The following ATP8A2 variants were observed in gnomAD, a reference collection of about 807,000 sequenced individuals.
ATP8A2 encodes the protein phospholipid-transporting ATPase IB.
A neutral mutation model predicts 165.6 loss-of-function variants in ATP8A2; 100 were observed. That is an observed-to-expected ratio of 0.60 (90% CI 0.51 to 0.71). The LOEUF is 0.71. ATP8A2 is among the 30% of genes least tolerant of loss of function. The pLI, the probability that ATP8A2 is intolerant of heterozygous loss-of-function variation, is 0.00. For synonymous variants in ATP8A2, 543 were observed against 548.8 expected, an observed-to-expected ratio of 0.99 and a Z score of 0.15; for missense variants, 1,227 against 1,479.5, an observed-to-expected ratio of 0.83 and a Z score of 2.80.
intron 2 of ATP8A2, among the ~76,000 whole-genome samples, chr13:25,517,520 A>G (rs1054411488): frequency 2.6e-5 from 4 of 152,238 alleles, no homozygotes; most frequent in Non-Finnish European, 5.9e-5. Flanking sequence ...GGAGCAGGAC[A>G]GTCACACTAT....
intron 1 of ATP8A2, among the ~76,000 whole-genome samples, chr13:25,467,194 A>G (rs929980527): frequency 3.3e-5 from 5 of 152,176 alleles, no homozygotes; most frequent in African/African-American, 1.2e-4. Context: ...TGAGTGAGGA[A>G]TAGCCAGGGT....
chr13:25,378,569 T>A (rs1487772107), intron 1 of ATP8A2, among the ~76,000 whole-genome samples: 1 of 152,218 alleles, frequency 6.6e-6, no homozygotes, highest in African/African-American at 2.4e-5. Flanking sequence ...TGGCTTTCAC[T>A]GGAGTTCTCA....
At chr13:25,648,364 C>A (rs2041729066) in intron 24 of ATP8A2, among the ~76,000 whole-genome samples, 1 of 152,122 alleles carries the variant, frequency 6.6e-6, no homozygotes, top group South Asian at 2.1e-4. Flanking sequence ...GCTTAAGTCT[C>A]TTCTATAAAA....
chr13:26,012,012 G>C (rs1384383801), intron 35 of ATP8A2, among the ~76,000 whole-genome samples: 2 of 152,204 alleles, frequency 1.3e-5, no homozygotes, highest in Middle Eastern at 3.2e-3. Context: ...CAACCTTGAA[G>C]GGAATAGGTT....
chr13:25,532,973 T>A (rs1188614359), intron 5 of ATP8A2, among the ~76,000 whole-genome samples: 2 of 152,196 alleles, frequency 1.3e-5, no homozygotes, highest in Non-Finnish European at 2.9e-5. Flanking sequence ...GCTGTTCAGT[T>A]TTTTTTAAAT....
At chr13:25,980,484 A>G (rs150396016) in intron 35 of ATP8A2, among the ~76,000 whole-genome samples, 20 of 152,312 alleles carry the variant, frequency 1.3e-4, no homozygotes, top group Non-Finnish European at 2.2e-4. Flanking sequence ...CGGTGTGACC[A>G]GTGCCTGGGA....
At chr13:25,834,671 T>C (rs1412711735) in intron 28 of ATP8A2, among the ~76,000 whole-genome samples, 1 of 152,220 alleles carries the variant, frequency 6.6e-6, no homozygotes, top group Non-Finnish European at 1.5e-5. Context: ...TAAAGTATAA[T>C]GTCTACCTTT....
Position 25,839,608 on chromosome 13 carries a change from GA to G in ATP8A2, c.2943del (p.Ala982LeufsTer8), listed in dbSNP as rs757394932. 7 of 1,613,814 alleles carry G rather than the reference GA, an allele frequency of 4.3e-6. No homozygotes were observed. Among genetic ancestry groups the G allele is most frequent in the Non-Finnish European group, 5.1e-6 (6 of 1,179,860 alleles). ...CCCTCATCCTCTTCTGGTTTCCCAT[GA>G]AAGCTCTGGAGCATGGTAAGGGCTG... ...HSLILFWFPM[K>X]ALEHDTVLTS... is the part of the protein sequence containing the mutation. On this transcript the variant is annotated frameshift_variant, in exon 30 of 37. Coordinates refer to ENST00000381655, the MANE Select transcript of ATP8A2 (RefSeq NM_016529.6). LOFTEE classifies it high-confidence loss of function.
chr13:25,416,914 C>T (rs1566116707), intron 1 of ATP8A2, among the ~76,000 whole-genome samples: 2 of 151,876 alleles, frequency 1.3e-5, no homozygotes, highest in South Asian at 2.1e-4. Context: ...TTGAAAGGAA[C>T]AATAAGCCAA....
At position 25,452,299 on chromosome 13, in the gene ATP8A2, C is replaced by T. The variant is rs140840831; in HGVS notation, c.77-16678C>T. ...CCCCTCTGGCATCGTCCCACCACCA[C>T]GGGCTGAGCGCACACAGAGCGGAGG... is the stretch of plus-strand genomic sequence containing the variant. On this transcript the variant is annotated intron_variant, in intron 1 of 36. Transcript: ENST00000381655. Among the ~76,000 whole-genome samples, 381 of 152,340 alleles carry T rather than the reference C, an allele frequency of 2.5e-3. 2 individuals carry two copies. The highest frequency in any genetic ancestry group is 8.3e-3 in the African/African-American group (346 of 41,582).
chr13:25,857,570 CTTTTTT>C (rs71080207), intron 30 of ATP8A2, among the ~76,000 whole-genome samples: 3 of 91,572 alleles, frequency 3.3e-5, no homozygotes, highest in East Asian at 3.0e-4. Flanking sequence ...CTTTTTTTTC[CTTTTTT>C]TTTTTTTTTT....
intron 1 of ATP8A2, among the ~76,000 whole-genome samples, chr13:25,391,758 A>G (rs2033255962): frequency 6.6e-6 from 1 of 152,226 alleles, no homozygotes; most frequent in African/African-American, 2.4e-5. Flanking sequence ...TTGCCCTTCC[A>G]GGAGGCCATA....
At chr13:25,675,725 T>C (rs923554108) in intron 24 of ATP8A2, among the ~76,000 whole-genome samples, 4 of 152,274 alleles carry the variant, frequency 2.6e-5, no homozygotes, top group Admixed American at 2.6e-4. Flanking sequence ...TGGAAGAGTA[T>C]TGAAAATACT....
chr13:25,413,631 T>C (rs1421763921), intron 1 of ATP8A2, among the ~76,000 whole-genome samples: 3 of 152,168 alleles, frequency 2.0e-5, no homozygotes, highest in Non-Finnish European at 4.4e-5. Context: ...CTATTTCTGA[T>C]TCTGATTTAT....
At chr13:25,663,829 A>C (rs767449484) in intron 24 of ATP8A2, among the ~76,000 whole-genome samples, 1 of 152,300 alleles carries the variant, frequency 6.6e-6, no homozygotes, top group South Asian at 2.1e-4. Context: ...ACCATAAGTG[A>C]TTTAAAACCA....
At chr13:25,622,762 C>T (rs2041003695) in intron 24 of ATP8A2, among the ~76,000 whole-genome samples, 1 of 152,102 alleles carries the variant, frequency 6.6e-6, no homozygotes, top group African/African-American at 2.4e-5. Flanking sequence ...GGTCCCATCC[C>T]CAAGATATCT....
chr13:25,405,916 C>T (rs2033787326), intron 1 of ATP8A2, among the ~76,000 whole-genome samples: 1 of 152,210 alleles, frequency 6.6e-6, no homozygotes, highest in African/African-American at 2.4e-5. Flanking sequence ...TTCTCCCACT[C>T]ATGTCTTCTC....
chr13:25,545,507 A>C (rs1053048062), intron 10 of ATP8A2, among the ~76,000 whole-genome samples: 14 of 138,090 alleles, frequency 1.0e-4, no homozygotes, highest in Non-Finnish European at 1.9e-4. Flanking sequence ...ACCCCATTTC[A>C]AAAAAAAAAA....
intron 24 of ATP8A2, among the ~76,000 whole-genome samples, chr13:25,605,624 A>G (rs1002119575): frequency 6.6e-6 from 1 of 152,106 alleles, no homozygotes; most frequent in Non-Finnish European, 1.5e-5. Context: ...GCCATTTTTT[A>G]AAAAATGCAA....
Sources: gnomAD v4.1 joint callset for allele counts (sites outside exome capture counted in the v4.1 genomes callset) on GRCh38, gnomAD v4.1.1 for gene constraint, MANE v1.5 for transcripts, NCBI Gene and HGNC (gene_info 2026-07-23, HGNC 2026-07-21) for gene names.